The following DTWD2 variants were observed in gnomAD, a reference collection of about 807,000 sequenced individuals.
The protein encoded by DTWD2 is DTW motif tRNA-uridine aminocarboxypropyltransferase 2, also known as tRNA-uridine aminocarboxypropyltransferase 2.
In DTWD2, 39 loss-of-function variants were observed where a neutral mutation model predicts 31.8. The observed-to-expected ratio is 1.22, with a 90% CI of 0.95 to 1.60. The LOEUF (loss-of-function observed/expected upper bound fraction) is 1.60, where lower values mean the gene tolerates loss of function less well. Among genes scored for constraint, DTWD2 ranks in the 40% most tolerant of loss-of-function variants. The probability of loss-of-function intolerance (pLI) is 0.00; values close to 1 mark genes in which losing one functional copy is unlikely to be tolerated. For missense variants in DTWD2, 515 were observed against 381.5 expected, an observed-to-expected ratio of 1.35 and a Z score of -2.92; for synonymous variants, 180 against 142.8, an observed-to-expected ratio of 1.26 and a Z score of -1.86.
intron 2 of DTWD2, among the ~76,000 whole-genome samples, chr5:118,941,408 T>A (rs972862730): frequency 6.6e-6 from 1 of 152,136 alleles, no homozygotes; most frequent in African/African-American, 2.4e-5. Context: ...TTCCCACCTA[T>A]GAGTGAGAAC....
chr5:118,903,644 C>T (rs1753264836), intron 4 of DTWD2, among the ~76,000 whole-genome samples: 1 of 151,834 alleles, frequency 6.6e-6, no homozygotes, highest in South Asian at 2.1e-4. Flanking sequence ...AGATTCTTAC[C>T]ACCCACATAT....
intron 4 of DTWD2, among the ~76,000 whole-genome samples, chr5:118,894,870 A>G (rs1345499379): frequency 6.6e-6 from 1 of 152,164 alleles, no homozygotes; most frequent in African/African-American, 2.4e-5. Context: ...CAACATCATA[A>G]GGGCCATATA....
chr5:118,959,255 G>C (rs1285192746), intron 1 of DTWD2, among the ~76,000 whole-genome samples: 1 of 152,002 alleles, frequency 6.6e-6, no homozygotes, highest in Non-Finnish European at 1.5e-5. Flanking sequence ...AAAGTTTCAG[G>C]ATACAAAATC....
At chr5:118,874,017 C>T (rs1005032719) in intron 4 of DTWD2, among the ~76,000 whole-genome samples, 4 of 152,136 alleles carry the variant, frequency 2.6e-5, no homozygotes, top group African/African-American at 9.7e-5. Context: ...GCTTAAGGAG[C>T]CAGAGAACAA....
At chr5:118,988,224 G>A in intron 1 of DTWD2, 70 bp downstream of exon 1, 1 of 1,523,788 alleles carries the variant, frequency 6.6e-7, no homozygotes, top group African/African-American at 1.4e-5. Flanking sequence ...CGACTCCCCG[G>A]CAGGGGGCGC....
intron 1 of DTWD2, among the ~76,000 whole-genome samples, chr5:118,945,549 G>A (rs1561466041): frequency 6.6e-6 from 1 of 152,084 alleles, no homozygotes; most frequent in Non-Finnish European, 1.5e-5. Context: ...CAGATCACCT[G>A]AGGTCAAGAG....
At position 118,857,568 on chromosome 5, in the gene DTWD2, T is replaced by C. The variant is rs531329076; in HGVS notation, c.598-9350A>G. Among the ~76,000 whole-genome samples, 6 of 152,342 alleles carry C rather than the reference T, an allele frequency of 3.9e-5. No homozygotes were observed. The East Asian group carries it at 9.6e-4, about 24-fold the overall frequency. ...TTATATATTACAAATATCTTCTCAC[T>C]GTGAATTATGCTTTCACTCTACTGT... is the stretch of plus-strand genomic sequence containing the variant. On this transcript the variant is annotated intron_variant, in intron 4 of 5. Coordinates refer to ENST00000510708, the MANE Select transcript of DTWD2 (RefSeq NM_173666.4).
At chr5:118,928,819 C>G in intron 3 of DTWD2, 90 bp from the exon 4 acceptor site, 2 of 1,076,382 alleles carry the variant, frequency 1.9e-6, no homozygotes, top group Non-Finnish European at 2.6e-6. Flanking sequence ...AAAAGTTTCC[C>G]TATATGTAGT....
intron 4 of DTWD2, among the ~76,000 whole-genome samples, chr5:118,863,686 G>A (rs1177325390): frequency 1.3e-5 from 2 of 152,136 alleles, no homozygotes; most frequent in African/African-American, 4.8e-5. Context: ...TGCAGCTTGA[G>A]ATGAAAAGGT....
At chr5:118,968,003 G>A (rs1280259694) in intron 1 of DTWD2, among the ~76,000 whole-genome samples, 2 of 152,072 alleles carry the variant, frequency 1.3e-5, no homozygotes. Context: ...ATTTCGCCAA[G>A]AATAATGCAT....
intron 4 of DTWD2, among the ~76,000 whole-genome samples, chr5:118,916,861 G>C (rs1344603503): frequency 6.6e-6 from 1 of 151,922 alleles, no homozygotes; most frequent in East Asian, 1.9e-4. Flanking sequence ...CTCTAGTGTC[G>C]AGAGTCTAAT....
chr5:118,967,814 A>C (rs893852834), intron 1 of DTWD2, among the ~76,000 whole-genome samples: 8 of 152,214 alleles, frequency 5.3e-5, no homozygotes, highest in African/African-American at 1.2e-4. Context: ...CATAGCCATA[A>C]TTGTTGCAGA....
intron 4 of DTWD2, among the ~76,000 whole-genome samples, chr5:118,923,777 T>C (rs1030110410): frequency 6.6e-6 from 1 of 152,202 alleles, no homozygotes; most frequent in Admixed American, 6.5e-5. Context: ...GGACTGAAGT[T>C]GCTGCAGACC....
At position 118,869,128 on chromosome 5, in the gene DTWD2, T is replaced by C. The variant is rs572641664; in HGVS notation, c.598-20910A>G. On this transcript the variant is annotated intron_variant, in intron 4 of 5. Transcript: ENST00000510708. ...GAGTTGCGAAAATGGATGGTGGTGG[T>C]GGTGGTGGTGGTGGTTGTAAAATAT... Among the ~76,000 whole-genome samples the C allele has an allele frequency of 3.5e-4, 53 of 151,912 alleles. 1 individual carries two copies. In the South Asian group the frequency reaches 0.011, roughly 31 times the overall value.
chr5:118,944,503 G>C (rs1479658385), intron 2 of DTWD2, 56 bp downstream of exon 2: 1 of 1,520,682 alleles, frequency 6.6e-7, no homozygotes, highest in African/African-American at 1.4e-5. Flanking sequence ...TTATCTTCGT[G>C]TTTCCTCTTG....
Position 118,836,210 on chromosome 5 carries a change from C to A in DTWD2, c.*4707G>T, listed in dbSNP as rs193235794. On this transcript the variant is annotated 3_prime_UTR_variant, in exon 6 of 6. Transcript: ENST00000510708. ...AAGTTTCTTTTAAAAATAATTCTTA[C>A]GTTGTTAGTTCAAGTGAATCTTATT... 1.8e-3 allele frequency among the ~76,000 whole-genome samples: 275 copies of A among 151,922 alleles called. 2 individuals carry two copies. Among genetic ancestry groups the A allele is most frequent in the African/African-American group, 6.2e-3 (257 of 41,470 alleles).
At chr5:118,958,460 A>AAACAAC (rs372346156) in intron 1 of DTWD2, among the ~76,000 whole-genome samples, 2,532 of 151,426 alleles carry the variant, frequency 0.017, 38 homozygotes, top group Non-Finnish European at 0.029. Context: ...TCCGTCTGAA[A>AAACAAC]AACAACAACA....
chr5:118,976,922 A>G (rs1285448528), intron 1 of DTWD2, among the ~76,000 whole-genome samples: 2 of 152,228 alleles, frequency 1.3e-5, no homozygotes, highest in African/African-American at 4.8e-5. Flanking sequence ...GATGAACATC[A>G]ATGAGAAAAT....
At chr5:118,969,140 G>C (rs572214597) in intron 1 of DTWD2, among the ~76,000 whole-genome samples, 14 of 148,718 alleles carry the variant, frequency 9.4e-5, no homozygotes, top group Non-Finnish European at 1.8e-4. Flanking sequence ...ACTAGCCTGA[G>C]TTATATGAAC....
Sources: allele counts gnomAD v4.1 joint callset (sites outside exome capture counted in the v4.1 genomes callset), GRCh38; gene constraint gnomAD v4.1.1; transcripts MANE v1.5; gene names NCBI Gene and HGNC (gene_info 2026-07-23, HGNC 2026-07-21).